TBC1D9: variants seen among roughly 807,000 people sequenced by gnomAD.
TBC1D9 encodes TBC1 domain family member 9.
A neutral mutation model predicts 132.0 loss-of-function variants in TBC1D9; 63 were observed. The ratio of observed to expected loss-of-function variants is 0.48; its 90% CI spans 0.39 to 0.59. The LOEUF is 0.59. Ranked by LOEUF, TBC1D9 falls within the 20% of genes least tolerant of loss-of-function variation. The pLI is 0.00. For missense variants in TBC1D9, 1,261 were observed against 1,592.7 expected (o/e 0.79, Z 3.54); for synonymous variants, 610 against 609.9 (o/e 1.00, Z 0.00).
At chr4:140,653,619 T>C (rs1737220106) in intron 13 of TBC1D9, among the ~76,000 whole-genome samples, 1 of 152,048 alleles carries the variant, frequency 6.6e-6, no homozygotes, top group African/African-American at 2.4e-5. Flanking sequence ...ACCACCAATT[T>C]AATGGTTAGG....
At chr4:140,713,571 C>CA (rs1363257011) in intron 1 of TBC1D9, among the ~76,000 whole-genome samples, 9 of 151,326 alleles carry the variant, frequency 5.9e-5, no homozygotes, top group East Asian at 5.8e-4. Context: ...TTTGTCTCTA[C>CA]AAAAAAAATA....
intron 1 of TBC1D9, among the ~76,000 whole-genome samples, chr4:140,725,328 G>A (rs1158332293): frequency 1.3e-5 from 2 of 152,090 alleles, no homozygotes; most frequent in Non-Finnish European, 2.9e-5. Context: ...CCCTGAGAAC[G>A]ACCCTGTATG....
At chr4:140,738,719 T>C (rs571764612) in intron 1 of TBC1D9, among the ~76,000 whole-genome samples, 43 of 152,346 alleles carry the variant, frequency 2.8e-4, no homozygotes, top group Non-Finnish European at 5.3e-4. Flanking sequence ...AACAAGTCTT[T>C]CCTTGTCTAG....
intron 13 of TBC1D9, among the ~76,000 whole-genome samples, chr4:140,653,850 T>C (rs1337593447): frequency 6.6e-6 from 1 of 152,206 alleles, no homozygotes; most frequent in Non-Finnish European, 1.5e-5. Flanking sequence ...GGCTTTGTCC[T>C]GTGATAGGAT....
At chr4:140,713,261 C>G (rs1382678715) in intron 1 of TBC1D9, among the ~76,000 whole-genome samples, 5 of 151,884 alleles carry the variant, frequency 3.3e-5, no homozygotes. Context: ...CATTAAATCT[C>G]TAAGTACCCA....
intron 1 of TBC1D9, among the ~76,000 whole-genome samples, chr4:140,722,293 G>A (rs761105438): frequency 1.3e-5 from 2 of 152,146 alleles, no homozygotes; most frequent in Non-Finnish European, 2.9e-5. Context: ...CAGAAATAAA[G>A]AGAAGCAGCA....
chr4:140,622,741 C>T lies in TBC1D9; in HGVS notation c.3255G>A (p.Pro1085=), dbSNP rs61730047. 1.6e-3 allele frequency: 2,523 copies of T among 1,607,592 alleles called. 21 individuals carry two copies. The African/African-American group carries it at 0.026, about 17-fold the overall frequency. ...AKEGGSGGSG[P]SCHQGIPGVL... ...CGCCTGGGATGCCCTGGTGGCAGGA[C>T]GGCCCACTGCCTCCGCTCCCGCCCT... is the stretch of plus-strand genomic sequence containing the variant. The change falls in exon 21 of 21, where the codon CCG becomes CCA. Residue 1085 remains proline, a synonymous_variant. Transcript: ENST00000442267.
chr4:140,627,827 C>A (rs899535903), intron 17 of TBC1D9, among the ~76,000 whole-genome samples: 7 of 152,156 alleles, frequency 4.6e-5, no homozygotes, highest in Non-Finnish European at 8.8e-5. Context: ...GGAAACTGTA[C>A]GCTATAAAGA....
At chr4:140,708,982 C>T (rs1046007116) in intron 1 of TBC1D9, among the ~76,000 whole-genome samples, 3 of 152,048 alleles carry the variant, frequency 2.0e-5, no homozygotes, top group African/African-American at 7.2e-5. Context: ...CCTTCAGTGT[C>T]GAATGGTGGG....
chr4:140,630,492 C>T (rs1578813768), intron 16 of TBC1D9, among the ~76,000 whole-genome samples: 1 of 152,116 alleles, frequency 6.6e-6, no homozygotes, highest in Non-Finnish European at 1.5e-5. Context: ...CTTCTCATTC[C>T]CCTGCCCTTA....
chr4:140,637,385 G>T (rs551430962), intron 15 of TBC1D9, among the ~76,000 whole-genome samples: 10 of 151,614 alleles, frequency 6.6e-5, no homozygotes, highest in Admixed American at 1.3e-4. Flanking sequence ...TGATTTCAAT[G>T]ACTACCAGAT....
chr4:140,743,994 C>G (rs1738798711), intron 1 of TBC1D9, among the ~76,000 whole-genome samples: 1 of 152,120 alleles, frequency 6.6e-6, no homozygotes, highest in Non-Finnish European at 1.5e-5. Flanking sequence ...CATGTCAAAT[C>G]CTGCACAAAT....
At chr4:140,655,816 A>G (rs1428879941) in intron 13 of TBC1D9, among the ~76,000 whole-genome samples, 2 of 152,172 alleles carry the variant, frequency 1.3e-5, no homozygotes, top group Non-Finnish European at 2.9e-5. Context: ...ACTCTGGGCT[A>G]TACAGGCTAT....
chr4:140,720,478 C>A (rs1032350921), intron 1 of TBC1D9, among the ~76,000 whole-genome samples: 3 of 152,182 alleles, frequency 2.0e-5, no homozygotes, highest in Non-Finnish European at 4.4e-5. Flanking sequence ...TTAATCTGCA[C>A]AAAACCCCAG....
intron 2 of TBC1D9, among the ~76,000 whole-genome samples, chr4:140,687,828 G>A (rs1286714718): frequency 6.6e-6 from 1 of 152,170 alleles, no homozygotes; most frequent in Non-Finnish European, 1.5e-5. Context: ...GCTCACGACT[G>A]TAATCCTGGC....
intron 2 of TBC1D9, among the ~76,000 whole-genome samples, chr4:140,692,624 A>T (rs1269614445): frequency 6.6e-6 from 1 of 152,256 alleles, no homozygotes; most frequent in Non-Finnish European, 1.5e-5. Context: ...CAAAATCCAC[A>T]TCTAACTAAA....
chr4:140,752,518 C>T (rs1475183969), intron 1 of TBC1D9, among the ~76,000 whole-genome samples: 3 of 151,936 alleles, frequency 2.0e-5, no homozygotes, highest in Non-Finnish European at 2.9e-5. Flanking sequence ...GGGCTTTTGG[C>T]ACATTAGCAG....
intron 13 of TBC1D9, among the ~76,000 whole-genome samples, chr4:140,647,364 C>T (rs1036698636): frequency 1.3e-5 from 2 of 152,158 alleles, no homozygotes; most frequent in African/African-American, 4.8e-5. Flanking sequence ...CCACCAACTA[C>T]CATTCTATCA....
intron 7 of TBC1D9, 117 bp from the exon 8 acceptor site, chr4:140,669,921 G>T: frequency 9.6e-7 from 1 of 1,044,918 alleles, no homozygotes; most frequent in Non-Finnish European, 1.4e-6. Context: ...GGTGTTTCTT[G>T]CTATGTGAAG....
Sources: allele counts gnomAD v4.1 joint callset (sites outside exome capture counted in the v4.1 genomes callset), GRCh38; gene constraint gnomAD v4.1.1; transcripts MANE v1.5; gene names NCBI Gene and HGNC (gene_info 2026-07-23, HGNC 2026-07-21).